Variants in RNF38 observed in about 807,000 individuals in gnomAD.
RNF38 encodes E3 ubiquitin-protein ligase RNF38.
RNF38 carries 15 observed loss-of-function variants against 67.2 expected under a neutral mutation model. The ratio of observed to expected loss-of-function variants is 0.22; its 90% confidence interval spans 0.15 to 0.34. The LOEUF (loss-of-function observed/expected upper bound fraction) is 0.34. RNF38 is among the 10% of genes least tolerant of loss of function. The pLI, the probability that RNF38 is intolerant of heterozygous loss-of-function variation, is 1.00. For synonymous variants in RNF38, 220 were observed against 218.8 expected (o/e 1.01, Z -0.05); for missense variants, 524 against 639.9 (o/e 0.82, Z 1.95).
chr9:36,383,548 C>T (rs180731620), intron 2 of RNF38, among the ~76,000 whole-genome samples: 5 of 152,260 alleles, frequency 3.3e-5, no homozygotes, highest in Admixed American at 2.6e-4. Context: ...GAACATGCTG[C>T]CCTTGAACTA....
At chr9:36,477,989 C>A (rs965080392) in intron 1 of RNF38, among the ~76,000 whole-genome samples, 1 of 150,646 alleles carries the variant, frequency 6.6e-6, no homozygotes, top group Admixed American at 6.6e-5. Context: ...AAAGCAAGAC[C>A]TTGTCTCAAA....
intron 9 of RNF38, among the ~76,000 whole-genome samples, chr9:36,345,748 G>A (rs1833178858): frequency 6.6e-6 from 1 of 152,092 alleles, no homozygotes; most frequent in African/African-American, 2.4e-5. Flanking sequence ...TTCAAATAAG[G>A]ATCCAAACAA....
At position 36,339,841 on chromosome 9, in the gene RNF38, T is replaced by G. The variant is rs1007716018; in HGVS notation, c.1486-27A>C. The stretch of plus-strand genomic sequence containing the variant: ...TACAAAACAAAAAGGAAAACTTGTT[T>G]AAATTGTGACACATACAATGAAACA... On this transcript the variant is annotated intron_variant, in intron 11 of 11. Transcript: ENST00000259605. 4 of 1,585,812 alleles carry G rather than the reference T, an allele frequency of 2.5e-6. No individual in the cohort carries two copies. In the African/African-American group the frequency reaches 5.4e-5, roughly 21 times the overall value.
chr9:36,475,793 G>A (rs1283867548), intron 1 of RNF38, among the ~76,000 whole-genome samples: 3 of 150,728 alleles, frequency 2.0e-5, no homozygotes, highest in African/African-American at 4.9e-5. Context: ...CGAGGCAGGC[G>A]GATCACACGG....
chr9:36,382,525 A>G (rs1455034056), intron 2 of RNF38, among the ~76,000 whole-genome samples: 1 of 152,254 alleles, frequency 6.6e-6, no homozygotes, highest in Non-Finnish European at 1.5e-5. Context: ...ACAATTTTAT[A>G]TGTAATATAT....
chr9:36,401,214 G>A, upstream of RNF38: 1 of 982,858 alleles, frequency 1.0e-6, no homozygotes, highest in Non-Finnish European at 1.2e-6. Context: ...GGGGCGGGGC[G>A]GGGCGGGGCT....
intron 1 of RNF38, among the ~76,000 whole-genome samples, chr9:36,485,483 CACT>C (rs1840385076): frequency 6.6e-6 from 1 of 152,180 alleles, no homozygotes; most frequent in Non-Finnish European, 1.5e-5. Flanking sequence ...TTTATCACAG[CACT>C]ACATTTTTGC....
At chr9:36,432,091 C>A (rs1407995546) in intron 1 of RNF38, among the ~76,000 whole-genome samples, 1 of 151,928 alleles carries the variant, frequency 6.6e-6, no homozygotes, top group Non-Finnish European at 1.5e-5. Context: ...AATCTAATTC[C>A]CTTCGTATTC....
chr9:36,455,304 C>T (rs1839561872), intron 1 of RNF38, among the ~76,000 whole-genome samples: 1 of 151,986 alleles, frequency 6.6e-6, no homozygotes, highest in African/African-American at 2.4e-5. Flanking sequence ...TCCAGTGATC[C>T]ACCTGCCTCG....
intron 1 of RNF38, among the ~76,000 whole-genome samples, chr9:36,483,080 C>A (rs1840316098): frequency 6.6e-6 from 1 of 152,148 alleles, no homozygotes; most frequent in Non-Finnish European, 1.5e-5. Flanking sequence ...TGGTCCTACA[C>A]AGCAGCACCG....
chr9:36,400,983 G>A (rs898006691), upstream of RNF38: 2 of 983,866 alleles, frequency 2.0e-6, no homozygotes, highest in Non-Finnish European at 2.4e-6. Context: ...CCGGCGCACT[G>A]GCCTCCGCTG....
chr9:36,476,578 C>A (rs1250725046), intron 1 of RNF38, among the ~76,000 whole-genome samples: 1 of 142,486 alleles, frequency 7.0e-6, no homozygotes, highest in African/African-American at 2.7e-5. Context: ...GGCTGGAGCG[C>A]GATGGCATGG....
chr9:36,458,969 G>C (rs1226581468), intron 1 of RNF38, among the ~76,000 whole-genome samples: 2 of 152,138 alleles, frequency 1.3e-5, no homozygotes, highest in Non-Finnish European at 2.9e-5. Flanking sequence ...CAGCACTTTG[G>C]GAGGCCAGGG....
chr9:36,396,684 G>C (rs1442483180), intron 1 of RNF38, among the ~76,000 whole-genome samples: 1 of 151,960 alleles, frequency 6.6e-6, no homozygotes, highest in African/African-American at 2.4e-5. Context: ...TGGGCACAGG[G>C]ATCTTTGGGG....
intron 1 of RNF38, among the ~76,000 whole-genome samples, chr9:36,454,231 C>T (rs1839529571): frequency 6.6e-6 from 1 of 151,842 alleles, no homozygotes; most frequent in African/African-American, 2.4e-5. Context: ...TCAAATGATT[C>T]TCCTGCCTCA....
At chr9:36,365,847 G>A (rs1375681318) in intron 4 of RNF38, among the ~76,000 whole-genome samples, 1 of 151,736 alleles carries the variant, frequency 6.6e-6, no homozygotes. Context: ...TGTATTTTTA[G>A]TAGAGACGGG....
At chr9:36,415,750 G>A (rs1229448593) in intron 2 of RNF38, among the ~76,000 whole-genome samples, 1 of 152,122 alleles carries the variant, frequency 6.6e-6, no homozygotes, top group East Asian at 1.9e-4. Flanking sequence ...GAGGGTCCTT[G>A]GTAGTTTTGT....
intron 11 of RNF38, among the ~76,000 whole-genome samples, chr9:36,341,733 T>G (rs967881835): frequency 6.6e-6 from 1 of 151,734 alleles, no homozygotes; most frequent in African/African-American, 2.4e-5. Context: ...CAAGGCTACA[T>G]TGAGCCATGA....
intron 9 of RNF38, among the ~76,000 whole-genome samples, chr9:36,345,644 C>T (rs1351495579): frequency 6.6e-6 from 1 of 152,236 alleles, no homozygotes. Flanking sequence ...GACATCATCA[C>T]ACCTAAAATA....
Sources: allele counts gnomAD v4.1 joint callset (sites outside exome capture counted in the v4.1 genomes callset), GRCh38; gene constraint gnomAD v4.1.1; transcripts MANE v1.5; gene names NCBI Gene and HGNC (gene_info 2026-07-23, HGNC 2026-07-21).